Variants in CFTR observed in about 807,000 individuals in gnomAD.
The protein encoded by CFTR is CF transmembrane conductance regulator.
CFTR carries 181 observed loss-of-function variants against 171.6 expected under a neutral mutation model. The ratio of observed to expected loss-of-function variants is 1.05; its 90% confidence interval spans 0.93 to 1.19. The LOEUF (loss-of-function observed/expected upper bound fraction) is 1.19. CFTR is among the 50% of genes most tolerant of loss of function. The pLI is 0.00. For synonymous variants in CFTR, 583 were observed against 608.0 expected, an observed-to-expected ratio of 0.96 and a Z score of 0.60; for missense variants, 1,968 against 1,734.7, an observed-to-expected ratio of 1.13 and a Z score of -2.39.
intron 18 of CFTR, among the ~76,000 whole-genome samples, chr7:117,608,627 CATAAT>C (rs1792337317): frequency 6.6e-6 from 1 of 152,108 alleles, no homozygotes; most frequent in Non-Finnish European, 1.5e-5. Context: ...ATTAAGGAAG[CATAAT>C]ATATGACAAT....
At chr7:117,617,134 G>A (rs1048947935) in intron 21 of CFTR, among the ~76,000 whole-genome samples, 1 of 152,108 alleles carries the variant, frequency 6.6e-6, no homozygotes, top group Admixed American at 6.5e-5. Flanking sequence ...TAAACAAGGT[G>A]TTTAGTTTGA....
chr7:117,566,248 A>AACAC (rs71314621), intron 11 of CFTR, among the ~76,000 whole-genome samples: 13,627 of 138,762 alleles, frequency 0.098, 672 homozygotes, highest in Middle Eastern at 0.12. Context: ...AGCCTACTAA[A>AACAC]ACACACACAC....
At chr7:117,541,017 C>T (rs1799044213) in intron 8 of CFTR, among the ~76,000 whole-genome samples, 1 of 152,300 alleles carries the variant, frequency 6.6e-6, no homozygotes, top group South Asian at 2.1e-4. Flanking sequence ...CAACTGCGTC[C>T]TCCTTTTCCA....
intron 11 of CFTR, among the ~76,000 whole-genome samples, chr7:117,574,105 C>A (rs1398262330): frequency 6.6e-6 from 1 of 151,922 alleles, no homozygotes; most frequent in Non-Finnish European, 1.5e-5. Context: ...GCTGGAAAAC[C>A]AACACCCTTA....
chr7:117,548,244 C>A (rs992310553), intron 9 of CFTR, among the ~76,000 whole-genome samples: 1 of 151,748 alleles, frequency 6.6e-6, no homozygotes, highest in African/African-American at 2.4e-5. Context: ...CAGTCTACAG[C>A]TTTGAAAGAG....
intron 10 of CFTR, among the ~76,000 whole-genome samples, chr7:117,553,956 CAGTA>C (rs1035707306): frequency 1.1e-4 from 17 of 152,026 alleles, no homozygotes; most frequent in African/African-American, 3.6e-4. Context: ...GTTTGAAGAA[CAGTA>C]AGGAGGTCAC....
rs1208186173 is a variant in CFTR, at chr7:117,556,518, T to C, written c.1393-2946T>C. Among the ~76,000 whole-genome samples the C allele has an allele frequency of 1.3e-3, 148 of 118,010 alleles. 1 individual carries two copies. Among genetic ancestry groups the C allele is most frequent in the African/African-American group, 4.8e-3 (145 of 30,418 alleles). 77.4% of individuals were successfully genotyped at this position (118,010 alleles called of 152,430 possible). Reference sequence around the variant, plus strand: ...TGTTTTATTTGTTTCATTTCTTTTTTTTTTTTTTTTTTTTTTTTTGAGACG... The same window carrying C: ...TGTTTTATTTGTTTCATTTCTTTTTCTTTTTTTTTTTTTTTTTTTGAGACG... On this transcript the variant is annotated intron_variant, in intron 10 of 26. Transcript: ENST00000003084.
chr7:117,595,382 A>G (rs964109886), intron 15 of CFTR, among the ~76,000 whole-genome samples: 18 of 150,576 alleles, frequency 1.2e-4, no homozygotes, highest in African/African-American at 4.4e-4. Flanking sequence ...TTTTTAATAG[A>G]TTTTTAATAA....
intron 1 of CFTR, among the ~76,000 whole-genome samples, chr7:117,500,202 G>T (rs1487639229): frequency 6.7e-5 from 10 of 148,792 alleles, no homozygotes; most frequent in East Asian, 2.0e-4. Flanking sequence ...TAGATGTCTG[G>T]TTTTTTTTTG....
chr7:117,576,072 T>C (rs186803920), intron 11 of CFTR, among the ~76,000 whole-genome samples: 1 of 152,286 alleles, frequency 6.6e-6, no homozygotes, highest in Non-Finnish European at 1.5e-5. Context: ...TTTTTGTATA[T>C]TGTGTAAGTT....
At chr7:117,501,415 A>C (rs1409468698) in intron 1 of CFTR, among the ~76,000 whole-genome samples, 1 of 151,976 alleles carries the variant, frequency 6.6e-6, no homozygotes, top group Non-Finnish European at 1.5e-5. Flanking sequence ...ATTTCAACTT[A>C]TAATTAAATA....
At chr7:117,649,519 ATT>A (rs35134989) in intron 23 of CFTR, among the ~76,000 whole-genome samples, 6 of 103,676 alleles carry the variant, frequency 5.8e-5, no homozygotes, top group African/African-American at 1.4e-4. Context: ...ATATATATAT[ATT>A]TTTTTTTTCC....
At chr7:117,552,390 A>C (rs35441557) in intron 10 of CFTR, among the ~76,000 whole-genome samples, 227 of 152,268 alleles carry the variant, frequency 1.5e-3, no homozygotes, top group African/African-American at 5.4e-3. Context: ...TTCTAGGTTT[A>C]ATTTTGTACA....
intron 1 of CFTR, among the ~76,000 whole-genome samples, chr7:117,503,762 A>C (rs1288633248): frequency 6.6e-6 from 1 of 152,230 alleles, no homozygotes. Context: ...GGCTATAGTC[A>C]TTCTTTCAAT....
intron 11 of CFTR, among the ~76,000 whole-genome samples, chr7:117,567,266 T>C (rs1213981261): frequency 6.6e-6 from 1 of 152,206 alleles, no homozygotes. Context: ...ACACTTATTT[T>C]TTAATGGTAC....
At chr7:117,595,180 TATGC>T in intron 15 of CFTR, 122 bp downstream of exon 15, 1 of 727,570 alleles carries the variant, frequency 1.4e-6, no homozygotes, top group Non-Finnish European at 2.4e-6. Flanking sequence ...CATGTATAAG[TATGC>T]ATATATACAC....
At chr7:117,571,380 T>C (rs913878290) in intron 11 of CFTR, among the ~76,000 whole-genome samples, 1 of 152,212 alleles carries the variant, frequency 6.6e-6, no homozygotes, top group African/African-American at 2.4e-5. Flanking sequence ...TTGGATTTAT[T>C]CTAGCATTTT....
chr7:117,537,168 G>C (rs1798972253), intron 7 of CFTR, among the ~76,000 whole-genome samples: 2 of 152,112 alleles, frequency 1.3e-5, no homozygotes, highest in Non-Finnish European at 2.9e-5. Context: ...TCACAGATTG[G>C]GTTCCTATAA....
intron 22 of CFTR, among the ~76,000 whole-genome samples, chr7:117,638,439 A>C (rs1005384352): frequency 5.9e-5 from 9 of 152,138 alleles, no homozygotes; most frequent in African/African-American, 2.2e-4. Context: ...CTTCCTTAGA[A>C]TAGGAATTGA....
Sources: allele counts gnomAD v4.1 joint callset (sites outside exome capture counted in the v4.1 genomes callset), GRCh38; gene constraint gnomAD v4.1.1; transcripts MANE v1.5; gene names NCBI Gene and HGNC (gene_info 2026-07-23, HGNC 2026-07-21).